Variants in NTMT2 observed in about 807,000 individuals in gnomAD.
NTMT2 encodes X-Pro-Lys N-terminal protein methyltransferase 1B.
NTMT2 carries 21 observed loss-of-function variants against 23.4 expected under a neutral mutation model. That is an observed-to-expected ratio of 0.90 (90% CI 0.64 to 1.29). NTMT2 has a LOEUF of 1.29. NTMT2 is among the 50% of genes most tolerant of loss of function. NTMT2 has a pLI of 0.00. For synonymous variants in NTMT2, 131 were observed against 127.7 expected (o/e 1.03, Z -0.17); for missense variants, 336 against 352.0 (o/e 0.95, Z 0.36).
At chr1:170,150,325 C>T (rs1260868683) in intron 1 of NTMT2, among the ~76,000 whole-genome samples, 2 of 152,218 alleles carry the variant, frequency 1.3e-5, no homozygotes, top group African/African-American at 4.8e-5. Flanking sequence ...ATGGAAGACT[C>T]AGCTATGCTG....
At chr1:170,148,775 G>A (rs1018995346) in intron 1 of NTMT2, among the ~76,000 whole-genome samples, 1 of 151,912 alleles carries the variant, frequency 6.6e-6, no homozygotes, top group Admixed American at 6.6e-5. Flanking sequence ...ATTCCACACA[G>A]GCATTCAGGG....
chr1:170,154,330 G>A (rs1042620055), intron 1 of NTMT2, among the ~76,000 whole-genome samples: 4 of 150,614 alleles, frequency 2.7e-5, no homozygotes, highest in African/African-American at 9.7e-5. Context: ...GTCCCCACTG[G>A]GGGCACTGCC....
At chr1:170,155,988 G>C (rs1486225868) in intron 1 of NTMT2, among the ~76,000 whole-genome samples, 1 of 152,108 alleles carries the variant, frequency 6.6e-6, no homozygotes, top group African/African-American at 2.4e-5. Context: ...GCTTCTTAGA[G>C]TCAGAAGTTG....
intron 1 of NTMT2, among the ~76,000 whole-genome samples, chr1:170,156,604 G>GTA (rs949115877): frequency 4.1e-4 from 63 of 152,138 alleles, no homozygotes; most frequent in African/African-American, 1.4e-3. Flanking sequence ...TAATTTGCCA[G>GTA]TATATATATT....
Position 170,166,140 on chromosome 1 carries a change from C to CCTTT in NTMT2, c.331-362_331-361insCTTT, listed in dbSNP as rs1179287857. Among the ~76,000 whole-genome samples, 279 of 67,820 alleles carry CCTTT rather than the reference C, an allele frequency of 4.1e-3. 1 individual carries two copies. The highest frequency in any genetic ancestry group is 7.2e-3 in the Non-Finnish European group (247 of 34,210). The allele number at this position is 67,820 out of a possible 152,430, so 44.5% of individuals were successfully genotyped here. On this transcript the variant is annotated intron_variant, in intron 2 of 3. Coordinates refer to ENST00000439373, the MANE Select transcript of NTMT2 (RefSeq NM_001136107.2). ...AATTTTCTTTCTTTTTTTTTTTTTT[C>CCTTT]TTTTTTTTTTTTTTTTTGAGACGGA...
chr1:170,167,790 A>C lies in NTMT2; in HGVS notation c.*33A>C. ...GTGGGAATGAACGACTGGACTGGGC[A>C]GTGGTGCTTTGGGATGGGGTTGCTA... On this transcript the variant is annotated 3_prime_UTR_variant, in exon 4 of 4. Coordinates refer to ENST00000439373, the MANE Select transcript of NTMT2 (RefSeq NM_001136107.2). 1 of 1,521,444 alleles carries C rather than the reference A, an allele frequency of 6.6e-7. No individual in the cohort carries two copies. 94.2% of individuals were successfully genotyped at this position (1,521,444 alleles called of 1,614,324 possible). A position where few individuals can be genotyped will look rare whatever the true frequency, so the allele number is the denominator to read the frequency against.
chr1:170,153,785 C>A (rs1384934825), intron 1 of NTMT2, among the ~76,000 whole-genome samples: 4 of 152,154 alleles, frequency 2.6e-5, no homozygotes, highest in African/African-American at 9.7e-5. Flanking sequence ...GCAGCCTAGC[C>A]ATGTGGCAAA....
intron 1 of NTMT2, chr1:170,158,122 A>T (rs778121169): frequency 3.3e-5 from 5 of 152,088 alleles, no homozygotes; most frequent in African/African-American, 7.2e-5. Flanking sequence ...TAGGAGGTAA[A>T]TATTCTATAA....
chr1:170,156,606 A>G (rs931626712), intron 1 of NTMT2, among the ~76,000 whole-genome samples: 8 of 152,096 alleles, frequency 5.3e-5, no homozygotes, highest in Non-Finnish European at 8.8e-5. Context: ...ATTTGCCAGT[A>G]TATATATTTC....
chr1:170,146,161 C>G lies in NTMT2; in HGVS notation c.54C>G (p.Asp18Glu), dbSNP rs749942959. The change falls in exon 1 of 4, where the codon GAC becomes GAG. Residue 18 changes from aspartate to glutamate, a missense_variant. Physicochemically the swap from Asp to Glu is conservative, Grantham distance 45 (BLOSUM62 2). Transcript: ENST00000439373. The part of the protein sequence containing the change: ...FAFRSRWQKT[D>E]DELCRHSMSF... ...TTAGATCCCGCTGGCAGAAGACCGA[C>G]GATGAACTCTGTAGACATAGCATGT... 2.6e-5 allele frequency: 40 copies of G among 1,551,334 alleles called. No homozygotes were observed. In the African/African-American group the frequency reaches 3.3e-4, roughly 13 times the overall value.
At chr1:170,165,057 C>T (rs12132530) in intron 2 of NTMT2, among the ~76,000 whole-genome samples, 4,287 of 150,618 alleles carry the variant, frequency 0.028, 90 homozygotes, top group Non-Finnish European at 0.045. Flanking sequence ...TACCTTTGAT[C>T]CTTAGCCAAT....
chr1:170,159,143 A>G (rs1166773071), intron 1 of NTMT2, among the ~76,000 whole-genome samples: 1 of 152,176 alleles, frequency 6.6e-6, no homozygotes, highest in Non-Finnish European at 1.5e-5. Flanking sequence ...AAGGAAGACA[A>G]GAAGCCCTAC....
At chr1:170,152,400 T>C in intron 1 of NTMT2, among the ~76,000 whole-genome samples, 1 of 152,000 alleles carries the variant, frequency 6.6e-6, no homozygotes, top group Non-Finnish European at 1.5e-5. Flanking sequence ...AAGAAGAGAG[T>C]TAGGAAGACA....
chr1:170,150,592 T>C (rs1254623171), intron 1 of NTMT2, among the ~76,000 whole-genome samples: 3 of 152,156 alleles, frequency 2.0e-5, no homozygotes, highest in Non-Finnish European at 4.4e-5. Flanking sequence ...CATAATACAA[T>C]GTAAATGAAA....
At position 170,155,236 on chromosome 1, in the gene NTMT2, C is replaced by T. The variant is rs116259114; in HGVS notation, c.155-5282C>T. ...CACAAGAACAGCCTAACACAGGTATCATTACCTCTTTATAGAGGAAGAAGC... is the reference window on the plus strand; with the variant it reads ...CACAAGAACAGCCTAACACAGGTATTATTACCTCTTTATAGAGGAAGAAGC... On this transcript the variant is annotated intron_variant, in intron 1 of 3. Transcript: ENST00000439373. 1.9e-3 allele frequency among the ~76,000 whole-genome samples: 293 copies of T among 152,238 alleles called. 4 individuals are homozygous for T. Among genetic ancestry groups the T allele is most frequent in the African/African-American group, 6.8e-3 (282 of 41,542 alleles).
intron 1 of NTMT2, among the ~76,000 whole-genome samples, chr1:170,155,635 C>A (rs866801419): frequency 2.0e-5 from 3 of 151,826 alleles, no homozygotes; most frequent in Admixed American, 6.6e-5. Context: ...AATTTTAGAT[C>A]ATTTTTTAAT....
At chr1:170,158,997 T>A (rs1673216536) in intron 1 of NTMT2, among the ~76,000 whole-genome samples, 1 of 152,110 alleles carries the variant, frequency 6.6e-6, no homozygotes, top group Non-Finnish European at 1.5e-5. Context: ...GTTCTGATTA[T>A]TTATCTCAGT....
At chr1:170,166,044 C>A (rs1452307744) in intron 2 of NTMT2, among the ~76,000 whole-genome samples, 3 of 149,556 alleles carry the variant, frequency 2.0e-5, no homozygotes, top group Non-Finnish European at 3.0e-5. Flanking sequence ...AAATTGTACA[C>A]AAGAAATGGT....
rs367930467 is a variant in NTMT2, at chr1:170,166,504, G to C, written c.333G>C (p.Gly111=). The change falls in exon 3 of 4, where the codon GGG becomes GGC. Residue 111 remains glycine, a splice_region_variant and synonymous_variant. Transcript: ENST00000439373. ...AATATCAAGGTGCCTTTCTGCAGGG[G>C]CCTGGGAGAGCTGGAACAGACTGCG... ...SQKFLRKFVG[G]PGRAGTDCAL... is the part of the protein sequence containing the mutation. 7.7e-6 allele frequency: 12 copies of C among 1,552,286 alleles called. No individual in the cohort carries two copies. Among genetic ancestry groups the C allele is most frequent in the Non-Finnish European group, 1.0e-5 (12 of 1,147,110 alleles).
Sources: allele counts gnomAD v4.1 joint callset (sites outside exome capture counted in the v4.1 genomes callset), GRCh38; gene constraint gnomAD v4.1.1; transcripts MANE v1.5; gene names NCBI Gene and HGNC (gene_info 2026-07-23, HGNC 2026-07-21).